Variants in LSAMP observed in about 807,000 individuals in gnomAD.
LSAMP encodes the protein limbic system-associated membrane protein.
LSAMP carries 7 observed loss-of-function variants against 38.6 expected under a neutral mutation model. The ratio of observed to expected loss-of-function variants is 0.18; its 90% CI spans 0.10 to 0.34. LSAMP has a LOEUF of 0.34. LSAMP is among the 10% of genes least tolerant of loss of function. The probability of loss-of-function intolerance (pLI) is 1.00; values close to 1 mark genes in which losing one functional copy is unlikely to be tolerated. For synonymous variants in LSAMP, 154 were observed against 166.8 expected (o/e 0.92, Z 0.59); for missense variants, 313 against 420.0 (o/e 0.75, Z 2.23).
intron 1 of LSAMP, among the ~76,000 whole-genome samples, chr3:116,169,487 A>G (rs1710143190): frequency 6.6e-6 from 1 of 152,196 alleles, no homozygotes; most frequent in African/African-American, 2.4e-5. Flanking sequence ...CTTCCCTCCC[A>G]TTCACATTCT....
chr3:115,999,821 A>G (rs1384904178), intron 3 of LSAMP, among the ~76,000 whole-genome samples: 1 of 152,096 alleles, frequency 6.6e-6, no homozygotes, highest in East Asian at 1.9e-4. Context: ...CTTTCCTAGG[A>G]CTGGGTGTGA....
At chr3:116,399,548 A>G (rs2048811560) in intron 1 of LSAMP, among the ~76,000 whole-genome samples, 1 of 152,230 alleles carries the variant, frequency 6.6e-6, no homozygotes, top group South Asian at 2.1e-4. Flanking sequence ...ACAGAGGGGC[A>G]GCACCAAAAG....
intron 4 of LSAMP, among the ~76,000 whole-genome samples, chr3:115,852,198 T>A (rs1333529621): frequency 6.6e-6 from 1 of 152,216 alleles, no homozygotes; most frequent in Non-Finnish European, 1.5e-5. Context: ...ACCAGCATAG[T>A]GACCGCCAGC....
At chr3:116,269,297 A>G (rs2046938379) in intron 1 of LSAMP, among the ~76,000 whole-genome samples, 1 of 152,116 alleles carries the variant, frequency 6.6e-6, no homozygotes, top group Admixed American at 6.6e-5. Context: ...ATATAATGCT[A>G]ATGGCAATCT....
chr3:116,246,166 T>A (rs2046603317), intron 1 of LSAMP, among the ~76,000 whole-genome samples: 1 of 152,208 alleles, frequency 6.6e-6, no homozygotes. Flanking sequence ...ATGCTCCCTT[T>A]ATGACATCCT....
At chr3:116,155,805 A>G (rs903667556) in intron 1 of LSAMP, among the ~76,000 whole-genome samples, 1 of 151,942 alleles carries the variant, frequency 6.6e-6, no homozygotes, top group Non-Finnish European at 1.5e-5. Context: ...TTCCTTTTCC[A>G]TTGATTTCAG....
chr3:115,967,730 A>G (rs1298940007), intron 3 of LSAMP, among the ~76,000 whole-genome samples: 1 of 152,170 alleles, frequency 6.6e-6, no homozygotes, highest in Non-Finnish European at 1.5e-5. Context: ...GGCAGCAGGC[A>G]AAGAGAGAGC....
chr3:116,396,698 TG>T, intron 1 of LSAMP, among the ~76,000 whole-genome samples: 1 of 152,344 alleles, frequency 6.6e-6, no homozygotes, highest in South Asian at 2.1e-4. Flanking sequence ...ACTCTAGACT[TG>T]TTTGTCTACT....
In LSAMP at chr3:116,412,435, C is replaced by G. The variant is rs968415777; in HGVS notation, c.155+32442G>C. Among the ~76,000 whole-genome samples, 4 of 152,074 alleles carry G rather than the reference C, an allele frequency of 2.6e-5. No homozygotes were observed. The East Asian group carries it at 7.7e-4, about 29-fold the overall frequency. ...TTTACTCATGATTCTTTCTACATCT[C>G]TGATCACTCACTTGAACTCTCTTCC... On this transcript the variant is annotated intron_variant, in intron 1 of 6. Transcript: ENST00000490035.
intron 3 of LSAMP, among the ~76,000 whole-genome samples, chr3:115,876,026 T>C (rs2107412962): frequency 6.6e-6 from 1 of 152,048 alleles, no homozygotes; most frequent in East Asian, 1.9e-4. Flanking sequence ...TCTTAGAGCA[T>C]TGAGAAATTT....
chr3:116,413,913 A>C (rs185450255), intron 1 of LSAMP, among the ~76,000 whole-genome samples: 3 of 151,256 alleles, frequency 2.0e-5, no homozygotes, highest in African/African-American at 7.3e-5. Flanking sequence ...AAAAAAAAAA[A>C]CAAACCAAAA....
intron 3 of LSAMP, among the ~76,000 whole-genome samples, chr3:115,871,897 T>C (rs1464338188): frequency 1.3e-5 from 2 of 152,104 alleles, no homozygotes; most frequent in Admixed American, 6.6e-5. Flanking sequence ...CTCAAAAATA[T>C]TCCTACACTC....
chr3:116,013,175 G>C (rs1440389601), intron 3 of LSAMP, among the ~76,000 whole-genome samples: 1 of 152,168 alleles, frequency 6.6e-6, no homozygotes, highest in Admixed American at 6.6e-5. Flanking sequence ...GTAGGAGTGG[G>C]GTTGTAGGGT....
chr3:116,325,146 T>C (rs2047753456), intron 1 of LSAMP, among the ~76,000 whole-genome samples: 1 of 151,274 alleles, frequency 6.6e-6, no homozygotes, highest in African/African-American at 2.4e-5. Flanking sequence ...ACATATATAC[T>C]AGAGATGAGG....
At chr3:116,372,325 C>A (rs1467971373) in intron 1 of LSAMP, among the ~76,000 whole-genome samples, 6 of 151,954 alleles carry the variant, frequency 3.9e-5, no homozygotes, top group African/African-American at 1.2e-4. Flanking sequence ...GGGGAAAGGA[C>A]AGTATTAACA....
At position 116,388,399 on chromosome 3, in the gene LSAMP, C is replaced by G. The variant is rs554832297; in HGVS notation, c.155+56478G>C. ...ATTTTACAGCTCTGCTCAATTTACA[C>G]CCAGAGCTGCCTCTATCACTCAAAG... On this transcript the variant is annotated intron_variant, in intron 1 of 6. Transcript: ENST00000490035. Among the ~76,000 whole-genome samples the G allele has an allele frequency of 5.9e-5, 9 of 152,274 alleles. No individual in the cohort carries two copies. In the South Asian group the frequency reaches 1.9e-3, roughly 32 times the overall value.
At chr3:115,910,285 G>A (rs1937106355) in intron 3 of LSAMP, among the ~76,000 whole-genome samples, 1 of 152,096 alleles carries the variant, frequency 6.6e-6, no homozygotes, top group Non-Finnish European at 1.5e-5. Context: ...TTGCTCCTAA[G>A]AATTTGGAAT....
intron 3 of LSAMP, among the ~76,000 whole-genome samples, chr3:115,858,135 A>ATC (rs67994060): frequency 0.025 from 3,555 of 144,016 alleles, 53 homozygotes; most frequent in East Asian, 0.031. Context: ...CCGTCCTCCC[A>ATC]TCTCTCTCTC....
chr3:115,909,810 T>A lies in LSAMP; in HGVS notation c.515-57193A>T, dbSNP rs146561951. 5.3e-4 allele frequency among the ~76,000 whole-genome samples: 81 copies of A among 152,338 alleles called. No homozygotes were observed. The East Asian group carries it at 0.013, about 25-fold the overall frequency. On this transcript the variant is annotated intron_variant, in intron 3 of 6. Coordinates refer to ENST00000490035, the MANE Select transcript of LSAMP (RefSeq NM_002338.5). ...TAGTAAGAAGCCAGTCAGGATAATA[T>A]ACTTTAATGAGAAGTTTGCCTTATT...
Sources: allele counts gnomAD v4.1 joint callset (sites outside exome capture counted in the v4.1 genomes callset), GRCh38; gene constraint gnomAD v4.1.1; transcripts MANE v1.5; gene names NCBI Gene and HGNC (gene_info 2026-07-23, HGNC 2026-07-21).